PLOD1: variants seen among roughly 807,000 people sequenced by gnomAD.
PLOD1 encodes lysine hydroxylase.
Under a neutral mutation model 94.7 loss-of-function variants are expected in PLOD1, and 70 were observed. That is an observed-to-expected ratio of 0.74 (90% CI 0.61 to 0.90). The LOEUF (loss-of-function observed/expected upper bound fraction) is 0.90, where lower values mean the gene tolerates loss of function less well. Ranked by LOEUF, PLOD1 falls within the 40% of genes least tolerant of loss-of-function variation. PLOD1 has a pLI of 0.00. For missense variants in PLOD1, 905 were observed against 972.7 expected, an observed-to-expected ratio of 0.93 and a Z score of 0.93; for synonymous variants, 417 against 400.2, an observed-to-expected ratio of 1.04 and a Z score of -0.50.
chr1:11,967,616 A>AT (rs35226154), intron 16 of PLOD1, among the ~76,000 whole-genome samples: 1,162 of 75,020 alleles, frequency 0.015, 95 homozygotes, highest in African/African-American at 0.065. Context: ...TATATATATA[A>AT]AAAGAAATAT....
In PLOD1 at chr1:11,963,780, G is replaced by A. The variant is rs945090014; in HGVS notation, c.1202+144G>A. 5.2e-5 allele frequency: 36 copies of A among 694,626 alleles called. No homozygotes were observed. Among genetic ancestry groups the A allele is most frequent in the Admixed American group, 2.6e-4 (13 of 49,426 alleles). The allele number at this position is 694,626 out of a possible 1,614,324, so 43.0% of individuals were successfully genotyped here. Reference sequence around the variant, plus strand: ...TCTCCTGCTCCTCTTTCTCCTCCTCGTCTTCCTCCTTGTCTTCCTCCTCCT... The same window carrying A: ...TCTCCTGCTCCTCTTTCTCCTCCTCATCTTCCTCCTTGTCTTCCTCCTCCT... On this transcript the variant is annotated intron_variant, in intron 11 of 18. Transcript: ENST00000196061. This position sits in a 1 kb window ranked among gnomAD's most constrained non-coding sequence, Gnocchi z 4.3.
intron 1 of PLOD1, among the ~76,000 whole-genome samples, chr1:11,939,262 C>T (rs1338550695): frequency 1.3e-5 from 2 of 151,748 alleles, no homozygotes; most frequent in Non-Finnish European, 2.9e-5. Flanking sequence ...CAGCTGGCCC[C>T]GGGGAGGCTA....
intron 16 of PLOD1, among the ~76,000 whole-genome samples, chr1:11,967,597 G>GTGTGTGTATATATATATATATA (rs1391982281): frequency 8.4e-5 from 5 of 59,784 alleles, no homozygotes; most frequent in Admixed American, 6.5e-4. Flanking sequence ...GTGTGTGTGT[G>GTGTGTGTATATATATATATATA]TATATATATA....
chr1:11,973,624 G>A (rs983726234), intron 18 of PLOD1, among the ~76,000 whole-genome samples: 1 of 150,994 alleles, frequency 6.6e-6, no homozygotes, highest in African/African-American at 2.5e-5. Flanking sequence ...CTGTCACCCA[G>A]GCTGGAGTGT....
At chr1:11,948,711 T>C (rs536214296) in intron 2 of PLOD1, among the ~76,000 whole-genome samples, 2 of 149,820 alleles carry the variant, frequency 1.3e-5, no homozygotes, top group Admixed American at 6.6e-5. Context: ...GCCTGGGCAA[T>C]AGAGTGAAAC....
chr1:11,938,297 G>GT (rs1376551874), intron 1 of PLOD1, among the ~76,000 whole-genome samples: 1 of 152,166 alleles, frequency 6.6e-6, no homozygotes, highest in Non-Finnish European at 1.5e-5. Context: ...TTTTGGAGAT[G>GT]GGAAGACTGA....
At chr1:11,941,986 T>C (rs1382411058) in intron 1 of PLOD1, among the ~76,000 whole-genome samples, 1 of 80,456 alleles carries the variant, frequency 1.2e-5, no homozygotes, top group African/African-American at 1.2e-4. Flanking sequence ...GTGCCCGGCC[T>C]TTTTTTTTTT....
At chr1:11,940,516 A>G (rs1645608413) in intron 1 of PLOD1, among the ~76,000 whole-genome samples, 1 of 152,226 alleles carries the variant, frequency 6.6e-6, no homozygotes, top group Admixed American at 6.5e-5. Flanking sequence ...GGAGGGAGGT[A>G]CTATCATCTG....
chr1:11,957,174 C>G lies in PLOD1; in HGVS notation c.741+160C>G, dbSNP rs1428028217. On this transcript the variant is annotated intron_variant, in intron 7 of 18. Coordinates refer to ENST00000196061, the MANE Select transcript of PLOD1 (RefSeq NM_000302.4). The surrounding 1 kb of genome is among the most constrained non-coding windows in gnomAD (Gnocchi z 4.1). Reference sequence around the variant, plus strand: ...CTCACATCTGAGCTCAGCGTGATGCCTTCTTTTCCTGCTGTGGTGGTCAGT... The same window carrying G: ...CTCACATCTGAGCTCAGCGTGATGCGTTCTTTTCCTGCTGTGGTGGTCAGT... The G allele has an allele frequency of 5.2e-6, 4 of 766,190 alleles. No homozygotes were observed. Among genetic ancestry groups the G allele is most frequent in the Admixed American group, 3.4e-5 (2 of 58,506 alleles). 47.5% of individuals were successfully genotyped at this position (766,190 alleles called of 1,614,324 possible).
At chr1:11,936,281 C>A (rs903375780) in intron 1 of PLOD1, among the ~76,000 whole-genome samples, 10 of 151,912 alleles carry the variant, frequency 6.6e-5, no homozygotes, top group Admixed American at 2.0e-4. Flanking sequence ...GCAGTGTGTG[C>A]CCCACTGTCC....
At chr1:11,967,131 G>C (rs75453415) in intron 16 of PLOD1, 40 bp downstream of exon 16, 3 of 1,332,678 alleles carry the variant, frequency 2.3e-6, no homozygotes, top group Non-Finnish European at 2.2e-6. Flanking sequence ...CAGGGAGGCT[G>C]CCTCTCCATC....
chr1:11,957,021 G>T lies in PLOD1; in HGVS notation c.741+7G>T. On this transcript the variant is annotated splice_region_variant and intron_variant, in intron 7 of 18. Transcript: ENST00000196061. This position sits in a 1 kb window ranked among gnomAD's most constrained non-coding sequence, Gnocchi z 4.1. The stretch of plus-strand genomic sequence containing the variant: ...TGGCAACGGGCCAACCAAGGTAGGG[G>T]GTCCCCAGCCCCTGGGGAGTGTGGG... The T allele has an allele frequency of 6.3e-7, 1 of 1,590,978 alleles. No individual in the cohort carries two copies. The highest frequency in any genetic ancestry group is 1.1e-5 in the South Asian group (1 of 90,600).
chr1:11,973,819 T>TA (rs1283930739), intron 18 of PLOD1, among the ~76,000 whole-genome samples: 1 of 151,652 alleles, frequency 6.6e-6, no homozygotes, highest in Non-Finnish European at 1.5e-5. Flanking sequence ...TTTGAGAGCT[T>TA]ACAACAAACA....
rs1407192311 is a variant in PLOD1 at position 11,966,227 on chromosome 1, T to C, written c.1585-24T>C. ...GCAGTTGAGCCAATGGTGAGGACCC[T>C]AGCCTGCTTCCCACTTCCCACAGGA... On this transcript the variant is annotated intron_variant, in intron 14 of 18. Transcript: ENST00000196061. The C allele has an allele frequency of 2.5e-6, 4 of 1,585,490 alleles. No homozygotes were observed. The African/African-American group carries it at 5.4e-5, about 21-fold the overall frequency.
At chr1:11,946,628 GA>G (rs1401141448) in intron 1 of PLOD1, among the ~76,000 whole-genome samples, 1 of 152,202 alleles carries the variant, frequency 6.6e-6, no homozygotes, top group Non-Finnish European at 1.5e-5. Context: ...ATTGGCCAGA[GA>G]GATCTTCCTG....
At chr1:11,947,840 C>T (rs1645667207) in intron 1 of PLOD1, 136 bp from the exon 2 acceptor site, 1 of 692,410 alleles carries the variant, frequency 1.4e-6, no homozygotes, top group Non-Finnish European at 2.7e-6. Context: ...CCTTTCTTCC[C>T]TGGGCCCTGT....
chr1:11,974,593 G>A lies in PLOD1; in HGVS notation c.2029-60G>A, dbSNP rs553752261. 7.8e-6 allele frequency: 12 copies of A among 1,536,436 alleles called. No homozygotes were observed. In the East Asian group the frequency reaches 1.4e-4, roughly 18 times the overall value. On this transcript the variant is annotated intron_variant, in intron 18 of 18. Coordinates refer to ENST00000196061, the MANE Select transcript of PLOD1 (RefSeq NM_000302.4). ...CTTGGCCATGACAGGAGATCATGAC[G>A]GGAGAACAGACGGGCAGGGGGGCGG... is the stretch of plus-strand genomic sequence containing the variant.
At chr1:11,973,059 A>T in intron 18 of PLOD1, 62 bp downstream of exon 18, 3 of 1,603,502 alleles carry the variant, frequency 1.9e-6, no homozygotes, top group Non-Finnish European at 2.6e-6. Flanking sequence ...CTAGCTGAGG[A>T]GAGGCTTCAG....
chr1:11,975,505 CT>C lies in PLOD1; in HGVS notation c.*698del, dbSNP rs1270296101. On this transcript the variant is annotated 3_prime_UTR_variant, in exon 19 of 19. Coordinates refer to ENST00000196061, the MANE Select transcript of PLOD1 (RefSeq NM_000302.4). ...GAAGAGAGGGACAGACCGTCAGAAACTGGAGAGTTTCTATTAAAGGTCATTT... is the reference window on the plus strand; with the variant it reads ...GAAGAGAGGGACAGACCGTCAGAAACGGAGAGTTTCTATTAAAGGTCATTT... 1 of 154,548 alleles carries C rather than the reference CT, an allele frequency of 6.5e-6. No individual in the cohort carries two copies. The highest frequency in any genetic ancestry group is 1.4e-5 in the Non-Finnish European group (1 of 69,684). 9.6% of individuals were successfully genotyped at this position (154,548 alleles called of 1,614,324 possible).
Sources: gnomAD v4.1 joint callset for allele counts (sites outside exome capture counted in the v4.1 genomes callset) on GRCh38, gnomAD v4.1.1 for gene constraint, Gnocchi (gnomAD v3.1) non-coding constraint, MANE v1.5 for transcripts, NCBI Gene and HGNC (gene_info 2026-07-23, HGNC 2026-07-21) for gene names.